Variants in BAZ1A observed in about 807,000 individuals in gnomAD.
The protein encoded by BAZ1A is bromodomain adjacent to zinc finger domain 1A, also known as bromodomain adjacent to zinc finger domain protein 1A.
Under a neutral mutation model 185.2 loss-of-function variants are expected in BAZ1A, and 50 were observed. The observed-to-expected ratio is 0.27, with a 90% CI of 0.22 to 0.34. BAZ1A has a LOEUF of 0.34. BAZ1A is among the 10% of genes least tolerant of loss of function. The pLI is 1.00. For synonymous variants in BAZ1A, 571 were observed against 615.6 expected, an observed-to-expected ratio of 0.93 and a Z score of 1.07; for missense variants, 1,356 against 1,839.9, an observed-to-expected ratio of 0.74 and a Z score of 4.81.
At chr14:34,793,716 G>A (rs568525163) in intron 11 of BAZ1A, among the ~76,000 whole-genome samples, 19 of 152,246 alleles carry the variant, frequency 1.2e-4, no homozygotes, top group South Asian at 2.1e-4. Context: ...AGGCCGAGGC[G>A]GGCAGATCAC....
At chr14:34,790,950 C>G (rs527671310) in intron 12 of BAZ1A, among the ~76,000 whole-genome samples, 11 of 152,130 alleles carry the variant, frequency 7.2e-5, no homozygotes, top group South Asian at 2.1e-4. Flanking sequence ...TGGAGAAACC[C>G]TGTCTCTACT....
intron 9 of BAZ1A, 66 bp from the exon 10 acceptor site, chr14:34,795,831 T>A: frequency 8.2e-7 from 1 of 1,223,840 alleles, no homozygotes. Context: ...CGGCATCTCC[T>A]GAGAACTTGT....
chr14:34,826,159 G>GAAAT lies in BAZ1A; in HGVS notation c.393-7_393-4dup. ...CTTCCAAAATCCTACACTGCAACCT[G>GAAAT]AAATAAAATGATACATTTAAAAATG... On this transcript the variant is annotated splice_region_variant and splice_polypyrimidine_tract_variant and intron_variant, in intron 3 of 26. Coordinates refer to ENST00000360310, the MANE Select transcript of BAZ1A (RefSeq NM_013448.3). 2 of 1,604,840 alleles carry GAAAT rather than the reference G, an allele frequency of 1.2e-6. No homozygotes were observed.
chr14:34,815,286 T>C (rs910667050), intron 4 of BAZ1A, among the ~76,000 whole-genome samples: 1 of 152,176 alleles, frequency 6.6e-6, no homozygotes, highest in African/African-American at 2.4e-5. Flanking sequence ...ATTGCATTCT[T>C]CCCAAAGAAG....
intron 26 of BAZ1A, 69 bp from the exon 27 acceptor site, chr14:34,753,773 T>C: frequency 8.0e-7 from 1 of 1,249,756 alleles, no homozygotes; most frequent in Non-Finnish European, 1.1e-6. Context: ...AATTCTTGTA[T>C]CATATCTGGA....
At chr14:34,861,998 A>C (rs2042776383) in intron 3 of BAZ1A, 46 bp downstream of exon 3, 1 of 1,578,372 alleles carries the variant, frequency 6.3e-7, no homozygotes. Context: ...GATTTTGAGC[A>C]ATGTGAATAT....
intron 2 of BAZ1A, among the ~76,000 whole-genome samples, chr14:34,873,658 G>A (rs951510830): frequency 1.3e-5 from 2 of 152,178 alleles, no homozygotes; most frequent in Non-Finnish European, 1.5e-5. Flanking sequence ...CCGGCTATGC[G>A]AAAGTGAAAA....
intron 24 of BAZ1A, 123 bp from the exon 25 acceptor site, chr14:34,758,969 T>A: frequency 1.1e-6 from 1 of 914,618 alleles, no homozygotes; most frequent in Non-Finnish European, 1.6e-6. Flanking sequence ...ACTGAGATGT[T>A]AACTATTTTC....
chr14:34,866,502 A>AAAAAAAAAAAAAAAAG, intron 2 of BAZ1A, among the ~76,000 whole-genome samples: 45 of 79,562 alleles, frequency 5.7e-4, no homozygotes, highest in Non-Finnish European at 1.0e-3. Flanking sequence ...AAAAAAAAAA[A>AAAAAAAAAAAAAAAAG]GAAAAAAGTT....
chr14:34,772,691 T>C (rs916917812), intron 20 of BAZ1A, among the ~76,000 whole-genome samples: 1 of 152,214 alleles, frequency 6.6e-6, no homozygotes, highest in East Asian at 1.9e-4. Context: ...ATTAGCTCAC[T>C]GCAGCTTTGA....
intron 3 of BAZ1A, among the ~76,000 whole-genome samples, chr14:34,848,662 C>CTCAT (rs1459776949): frequency 6.6e-6 from 1 of 152,142 alleles, no homozygotes; most frequent in Non-Finnish European, 1.5e-5. Context: ...GAACCATAGT[C>CTCAT]TCATGCTCAC....
chr14:34,823,649 G>A (rs1209428921), intron 4 of BAZ1A, among the ~76,000 whole-genome samples: 4 of 151,556 alleles, frequency 2.6e-5, no homozygotes, highest in African/African-American at 4.9e-5. Context: ...CAACAAGAGC[G>A]AAACTCCATC....
chr14:34,767,609 CCT>C (rs1269975831), intron 21 of BAZ1A, among the ~76,000 whole-genome samples: 6 of 152,092 alleles, frequency 3.9e-5, no homozygotes, highest in African/African-American at 1.4e-4. Context: ...TTATTTCTCC[CCT>C]GTCATTGTGA....
At chr14:34,761,377 C>G (rs1332020979) in intron 24 of BAZ1A, among the ~76,000 whole-genome samples, 1 of 152,176 alleles carries the variant, frequency 6.6e-6, no homozygotes, top group Non-Finnish European at 1.5e-5. Flanking sequence ...GAGATGGGAA[C>G]CTTACCAAAT....
intron 11 of BAZ1A, among the ~76,000 whole-genome samples, chr14:34,794,360 C>T (rs1182058630): frequency 6.6e-6 from 1 of 152,082 alleles, no homozygotes; most frequent in Non-Finnish European, 1.5e-5. Context: ...ACCCATATAC[C>T]ACTCCCTGCT....
intron 25 of BAZ1A, 23 bp from the exon 26 acceptor site, chr14:34,754,937 C>T (rs1886176161): frequency 5.2e-6 from 8 of 1,536,496 alleles, no homozygotes; most frequent in Non-Finnish European, 6.2e-6. Context: ...TCAAATATCT[C>T]TGTCCACACA....
intron 4 of BAZ1A, chr14:34,816,958 A>G: frequency 3.5e-6 from 1 of 284,312 alleles, no homozygotes; most frequent in Non-Finnish European, 7.2e-6. Flanking sequence ...AGTGAAAGGA[A>G]CAATAGCGGA....
intron 24 of BAZ1A, 92 bp downstream of exon 24, chr14:34,761,665 G>C: frequency 8.6e-7 from 1 of 1,169,438 alleles, no homozygotes; most frequent in African/African-American, 1.5e-5. Context: ...CTTAGTGACA[G>C]ACTTTAAAAA....
chr14:34,779,496 A>C (rs940765362), intron 17 of BAZ1A, among the ~76,000 whole-genome samples: 1 of 152,186 alleles, frequency 6.6e-6, no homozygotes, highest in Admixed American at 6.5e-5. Context: ...ATCAGACAAT[A>C]CAGCTTCCAT....
Sources: allele counts gnomAD v4.1 joint callset (sites outside exome capture counted in the v4.1 genomes callset), GRCh38; gene constraint gnomAD v4.1.1; transcripts MANE v1.5; gene names NCBI Gene and HGNC (gene_info 2026-07-23, HGNC 2026-07-21).